The following AHCYL2 variants were observed in gnomAD, a reference collection of about 807,000 sequenced individuals.
AHCYL2 encodes the protein S-adenosylhomocysteine hydrolase-like protein 2.
Under a neutral mutation model 81.4 loss-of-function variants are expected in AHCYL2, and 28 were observed. The ratio of observed to expected loss-of-function variants is 0.34; its 90% CI spans 0.25 to 0.47. The LOEUF is 0.47. Ranked by LOEUF, AHCYL2 falls within the 20% of genes least tolerant of loss-of-function variation. The pLI, the probability that AHCYL2 is intolerant of heterozygous loss-of-function variation, is 1.00. For missense variants in AHCYL2, 551 were observed against 785.1 expected (o/e 0.70, Z 3.56); for synonymous variants, 272 against 290.2 (o/e 0.94, Z 0.64).
At chr7:129,252,534 A>T (rs1454154466) in intron 1 of AHCYL2, among the ~76,000 whole-genome samples, 1 of 152,208 alleles carries the variant, frequency 6.6e-6, no homozygotes, top group Non-Finnish European at 1.5e-5. Context: ...TGGGAGGGTG[A>T]TGCAGGAGGA....
rs144983907 is a variant in AHCYL2 at position 129,335,570 on chromosome 7, A to G, written c.364-44068A>G. ...GGAATGGCTCAGCTGGATAATTCTC[A>G]TTTCGGGTTTCTCATGAGGCTGATG... is the stretch of plus-strand genomic sequence containing the variant. On this transcript the variant is annotated intron_variant, in intron 1 of 16. Transcript: ENST00000325006. 5.3e-3 allele frequency among the ~76,000 whole-genome samples: 802 copies of G among 152,126 alleles called. 6 individuals are homozygous for G. Among genetic ancestry groups the G allele is most frequent in the African/African-American group, 0.019 (769 of 41,476 alleles).
chr7:129,312,259 A>AT (rs544482425), intron 1 of AHCYL2, among the ~76,000 whole-genome samples: 63 of 152,156 alleles, frequency 4.1e-4, no homozygotes, highest in African/African-American at 1.5e-3. Flanking sequence ...TAATTCTGAA[A>AT]TTTTTTTGTA....
intron 1 of AHCYL2, among the ~76,000 whole-genome samples, chr7:129,335,738 G>GT (rs1197517820): frequency 6.6e-6 from 1 of 152,144 alleles, no homozygotes; most frequent in Non-Finnish European, 1.5e-5. Context: ...AGATAGTCAG[G>GT]TTTTTTACAT....
intron 1 of AHCYL2, among the ~76,000 whole-genome samples, chr7:129,226,352 T>G (rs1794217353): frequency 6.6e-6 from 1 of 152,240 alleles, no homozygotes; most frequent in Admixed American, 6.5e-5. Flanking sequence ...CTCTCAAAGC[T>G]TGTCTTTCTT....
At chr7:129,332,406 CACTAGTTTATAAAA>C (rs1207514863) in intron 1 of AHCYL2, among the ~76,000 whole-genome samples, 5 of 152,180 alleles carry the variant, frequency 3.3e-5, no homozygotes, top group Non-Finnish European at 7.4e-5. Context: ...TGCCTCTTGG[CACTAGTTTATAAAA>C]ACTAGAAAGT....
intron 1 of AHCYL2, among the ~76,000 whole-genome samples, chr7:129,244,184 T>C (rs569241456): frequency 5.4e-4 from 82 of 150,976 alleles, no homozygotes; most frequent in African/African-American, 1.5e-3. Context: ...TTTTTTTTTC[T>C]GTAGATACAG....
At chr7:129,256,319 T>C (rs913189064) in intron 1 of AHCYL2, among the ~76,000 whole-genome samples, 2 of 152,212 alleles carry the variant, frequency 1.3e-5, no homozygotes, top group Non-Finnish European at 2.9e-5. Flanking sequence ...TATAAAGCTC[T>C]TATCCTCTAG....
chr7:129,366,483 A>G (rs943804096), intron 1 of AHCYL2, among the ~76,000 whole-genome samples: 2 of 152,196 alleles, frequency 1.3e-5, no homozygotes, highest in Admixed American at 6.5e-5. Context: ...TAATTTAGAA[A>G]GTATTTTGCC....
intron 12 of AHCYL2, among the ~76,000 whole-genome samples, chr7:129,416,489 G>T (rs1376781147): frequency 1.3e-5 from 2 of 152,078 alleles, no homozygotes; most frequent in Non-Finnish European, 2.9e-5. Context: ...AATAGATCAG[G>T]CTGTGACCCT....
At chr7:129,367,082 A>G (rs1299320361) in intron 1 of AHCYL2, among the ~76,000 whole-genome samples, 2 of 152,196 alleles carry the variant, frequency 1.3e-5, no homozygotes, top group African/African-American at 4.8e-5. Context: ...TCAGATGTGC[A>G]TTTATCTCAG....
intron 1 of AHCYL2, among the ~76,000 whole-genome samples, chr7:129,357,171 C>T (rs913818487): frequency 9.2e-5 from 14 of 152,034 alleles, no homozygotes; most frequent in Admixed American, 6.6e-5. Context: ...CAACCAAAAG[C>T]GATGTGGGAT....
chr7:129,267,828 T>C (rs1236520217), intron 1 of AHCYL2, among the ~76,000 whole-genome samples: 1 of 152,176 alleles, frequency 6.6e-6, no homozygotes, highest in Non-Finnish European at 1.5e-5. Flanking sequence ...TGTATGTGTG[T>C]GGGAGTGGAT....
intron 4 of AHCYL2, among the ~76,000 whole-genome samples, chr7:129,393,656 T>C (rs1200251805): frequency 1.3e-5 from 2 of 152,224 alleles, no homozygotes; most frequent in Non-Finnish European, 1.5e-5. Flanking sequence ...TGACTTCTTT[T>C]GTCTTTTGAT....
intron 1 of AHCYL2, among the ~76,000 whole-genome samples, chr7:129,265,055 G>A (rs1003796042): frequency 1.3e-5 from 2 of 152,146 alleles, no homozygotes; most frequent in Non-Finnish European, 2.9e-5. Flanking sequence ...TTGTAATCCA[G>A]AATGTATGTA....
At chr7:129,243,983 A>AT (rs1374621642) in intron 1 of AHCYL2, among the ~76,000 whole-genome samples, 2 of 150,452 alleles carry the variant, frequency 1.3e-5, no homozygotes, top group Admixed American at 6.6e-5. Context: ...TTTATTTATT[A>AT]TTTTTTTCTT....
intron 1 of AHCYL2, among the ~76,000 whole-genome samples, chr7:129,370,412 T>C (rs761250627): frequency 1.3e-4 from 18 of 137,502 alleles, no homozygotes; most frequent in Non-Finnish European, 2.6e-4. Flanking sequence ...TAAAAAAATT[T>C]GCAGCCGGGT....
At chr7:129,325,705 A>ATTTTG (rs1272031099) in intron 1 of AHCYL2, among the ~76,000 whole-genome samples, 1 of 149,338 alleles carries the variant, frequency 6.7e-6, no homozygotes, top group Non-Finnish European at 1.5e-5. Context: ...GGTTTGTTTT[A>ATTTTG]TTTTGTTTTG....
rs763002720 is a variant in AHCYL2 at position 129,409,493 on chromosome 7, T to C, written c.1313T>C (p.Leu438Pro). 4.3e-6 allele frequency: 7 copies of C among 1,613,812 alleles called. No individual in the cohort carries two copies. Among genetic ancestry groups the C allele is most frequent in the Non-Finnish European group, 8.5e-7 (1 of 1,179,900 alleles). The change falls in exon 11 of 17, where the codon CTG (leucine) becomes CCG (proline). Residue 438 changes from leucine (L) to proline (P), a missense_variant. By Grantham distance (98) the Leu-to-Pro change is moderately conservative (BLOSUM62 -3). Transcript: ENST00000325006. Reference protein sequence around the residue: ...ALQACMDGFRLVKLNEVIRQV... With the variant: ...ALQACMDGFRPVKLNEVIRQV... ...TTCAACAGTATGGATGGATTTCGAC[T>C]GGTGAAATTAAATGAGGTCATCCGA...
At chr7:129,248,309 T>C (rs1169729652) in intron 1 of AHCYL2, among the ~76,000 whole-genome samples, 1 of 152,194 alleles carries the variant, frequency 6.6e-6, no homozygotes, top group East Asian at 1.9e-4. Context: ...CTCATGGATA[T>C]AAAAATCCTG....
Sources: gnomAD v4.1 joint callset for allele counts (sites outside exome capture counted in the v4.1 genomes callset) on GRCh38, gnomAD v4.1.1 for gene constraint, MANE v1.5 for transcripts, NCBI Gene and HGNC (gene_info 2026-07-23, HGNC 2026-07-21) for gene names.